POM121C: variants seen among roughly 807,000 people sequenced by gnomAD.
The protein encoded by POM121C is POM121 transmembrane nucleoporin C, also known as nuclear envelope pore membrane protein POM 121C.
A neutral mutation model predicts 66.4 loss-of-function variants in POM121C; 20 were observed. The ratio of observed to expected loss-of-function variants is 0.30; its 90% CI spans 0.21 to 0.44. The LOEUF (loss-of-function observed/expected upper bound fraction) is 0.44. Among genes scored for constraint, POM121C ranks in the 20% least tolerant of loss-of-function variants. The pLI is 1.00. For missense variants in POM121C, 580 were observed against 1,225.7 expected, an observed-to-expected ratio of 0.47 and a Z score of 7.87; for synonymous variants, 286 against 528.0, an observed-to-expected ratio of 0.54 and a Z score of 6.28.
At chr7:75,471,498 G>A (rs1791875840) in intron 3 of POM121C, among the ~76,000 whole-genome samples, 2 of 151,966 alleles carry the variant, frequency 1.3e-5, no homozygotes, top group African/African-American at 2.4e-5. Context: ...ATGCCCGGCC[G>A]AGACCTTGAC....
intron 7 of POM121C, among the ~76,000 whole-genome samples, chr7:75,431,654 A>G (rs1238103408): frequency 6.8e-6 from 1 of 147,454 alleles, no homozygotes; most frequent in African/African-American, 2.5e-5. Flanking sequence ...CACTCCCTTT[A>G]ATACATTGCT....
intron 3 of POM121C, among the ~76,000 whole-genome samples, chr7:75,455,334 C>T (rs199689251): frequency 0.022 from 3,206 of 143,446 alleles, no homozygotes; most frequent in East Asian, 0.058. Context: ...CTCGCTCTGT[C>T]GCCAGGCTGG....
At chr7:75,428,719 C>A (rs1790055805) in intron 7 of POM121C, among the ~76,000 whole-genome samples, 1 of 152,218 alleles carries the variant, frequency 6.6e-6, no homozygotes. Flanking sequence ...GTGGCTCATG[C>A]CTGTAATCCC....
chr7:75,442,111 C>T (rs1790673207), intron 3 of POM121C: 4 of 1,373,768 alleles, frequency 2.9e-6, no homozygotes, highest in South Asian at 3.4e-5. Context: ...CCAGCCGAGC[C>T]AGAGGATGAT....
In POM121C at chr7:75,479,615, C is replaced by CTAAATAAA. The variant is rs58439125; in HGVS notation, c.-457-4435_-457-4428dup. Among the ~76,000 whole-genome samples the CTAAATAAA allele has an allele frequency of 1.6e-4, 22 of 134,608 alleles. 1 individual carries two copies. The highest frequency in any genetic ancestry group is 3.7e-4 in the African/African-American group (12 of 32,860). The allele number at this position is 134,608 out of a possible 152,430, so 88.3% of individuals were successfully genotyped here. ...TGGGGGACAGAGTGAGACTCTGTCTCTAAATAAATAAATAAATAAATAAAT... is the reference window on the plus strand; with the variant it reads ...TGGGGGACAGAGTGAGACTCTGTCTCTAAATAAATAAATAAATAAATAAATAAATAAAT... On this transcript the variant is annotated intron_variant, in intron 1 of 14. Coordinates refer to ENST00000615331, the MANE Select transcript of POM121C (RefSeq NM_001099415.3).
At chr7:75,432,179 T>G (rs1274813985) in intron 7 of POM121C, among the ~76,000 whole-genome samples, 1 of 66,422 alleles carries the variant, frequency 1.5e-5, no homozygotes, top group Non-Finnish European at 2.8e-5. Flanking sequence ...AGCGAGAATC[T>G]GTCTCAAAAA....
intron 3 of POM121C, among the ~76,000 whole-genome samples, chr7:75,453,054 C>T (rs1298893824): frequency 1.3e-5 from 2 of 152,102 alleles, no homozygotes; most frequent in Non-Finnish European, 2.9e-5. Context: ...CTGTATGACA[C>T]CCACACCTTC....
At chr7:75,430,695 T>C (rs780411602) in intron 7 of POM121C, among the ~76,000 whole-genome samples, 24 of 152,204 alleles carry the variant, frequency 1.6e-4, no homozygotes, top group Non-Finnish European at 2.5e-4. Context: ...CAGGACACTT[T>C]TGTTGTAACA....
intron 3 of POM121C, among the ~76,000 whole-genome samples, chr7:75,461,626 G>T (rs1318959105): frequency 6.6e-6 from 1 of 152,006 alleles, no homozygotes; most frequent in Non-Finnish European, 1.5e-5. Context: ...GGCCAGGCTG[G>T]TCTCAAACTC....
At chr7:75,419,253 A>T (rs1285097547) in intron 14 of POM121C, 67 bp downstream of exon 14, 1 of 1,532,882 alleles carries the variant, frequency 6.5e-7, no homozygotes, top group Admixed American at 2.2e-5. Context: ...GAGGGCCAGG[A>T]GCCTGCCACC....
chr7:75,481,858 G>T (rs3973299), intron 1 of POM121C, among the ~76,000 whole-genome samples: 11,498 of 151,920 alleles, frequency 0.076, 1,431 homozygotes, highest in African/African-American at 0.26. Flanking sequence ...AAATAAAGAA[G>T]AAATGGTAGA....
intron 3 of POM121C, among the ~76,000 whole-genome samples, chr7:75,463,046 G>A (rs587687546): frequency 1.2e-3 from 183 of 152,280 alleles, no homozygotes; most frequent in Admixed American, 2.5e-3. Flanking sequence ...GACTGGGCCG[G>A]GTGCGGTGGC....
intron 3 of POM121C, among the ~76,000 whole-genome samples, chr7:75,472,721 G>A (rs587610768): frequency 2.0e-5 from 3 of 151,952 alleles, no homozygotes; most frequent in East Asian, 1.9e-4. Context: ...CAGGAGAATC[G>A]CTTGAACCTG....
At chr7:75,424,001 C>T (rs782815881) in intron 12 of POM121C, 48 bp downstream of exon 12, 58 of 1,595,516 alleles carry the variant, frequency 3.6e-5, no homozygotes, top group South Asian at 6.6e-5. Context: ...CAACCCAAGC[C>T]GGGGATGCTG....
intron 1 of POM121C, among the ~76,000 whole-genome samples, chr7:75,476,108 T>C (rs1792063854): frequency 1.3e-5 from 2 of 152,262 alleles, no homozygotes; most frequent in East Asian, 3.9e-4. Context: ...AGTAAGAACC[T>C]TATCTCTGCT....
At chr7:75,468,313 CTTTTTTTTTT>C (rs59483137) in intron 3 of POM121C, among the ~76,000 whole-genome samples, 2 of 89,756 alleles carry the variant, frequency 2.2e-5, no homozygotes, top group East Asian at 6.0e-4. Context: ...AAGACTCCAG[CTTTTTTTTTT>C]TTTTTTTTTT....
At chr7:75,419,502 C>G (rs782742985) in intron 13 of POM121C, 60 bp from the exon 14 acceptor site, 4 of 1,590,308 alleles carry the variant, frequency 2.5e-6, no homozygotes, top group Non-Finnish European at 2.6e-6. Flanking sequence ...GGCGAGGAGC[C>G]GGGCAGGAGC....
intron 3 of POM121C, among the ~76,000 whole-genome samples, chr7:75,465,382 G>A (rs1350081389): frequency 2.0e-5 from 3 of 149,676 alleles, no homozygotes; most frequent in South Asian, 4.6e-4. Flanking sequence ...GAGGTAGGAG[G>A]ATCGCTTGAG....
intron 3 of POM121C, among the ~76,000 whole-genome samples, chr7:75,467,563 T>C: frequency 6.9e-6 from 1 of 145,048 alleles, no homozygotes; most frequent in African/African-American, 2.5e-5. Flanking sequence ...AAATGTAATA[T>C]AAAGCAGGCG....
Sources: allele counts gnomAD v4.1 joint callset (sites outside exome capture counted in the v4.1 genomes callset), GRCh38; gene constraint gnomAD v4.1.1; transcripts MANE v1.5; gene names NCBI Gene and HGNC (gene_info 2026-07-23, HGNC 2026-07-21).